The following PACS1 variants were observed in gnomAD, a reference collection of about 807,000 sequenced individuals.
PACS1 encodes PACS-1.
A neutral mutation model predicts 115.0 loss-of-function variants in PACS1; 24 were observed. That is an observed-to-expected ratio of 0.21 (90% CI 0.15 to 0.29). The LOEUF is 0.29. Ranked by LOEUF, PACS1 falls within the 10% of genes least tolerant of loss-of-function variation. The pLI is 1.00. For synonymous variants in PACS1, 453 were observed against 504.5 expected (o/e 0.90, Z 1.37); for missense variants, 838 against 1,251.2 (o/e 0.67, Z 4.98).
At chr11:66,216,410 C>G in intron 5 of PACS1, 110 bp from the exon 6 acceptor site, 1 of 1,405,724 alleles carries the variant, frequency 7.1e-7, no homozygotes, top group Non-Finnish European at 1.0e-6. Flanking sequence ...GCCCTCCCCT[C>G]CACCCTGGCT....
intron 1 of PACS1, among the ~76,000 whole-genome samples, chr11:66,098,898 C>T (rs1331689457): frequency 6.6e-6 from 1 of 152,230 alleles, no homozygotes; most frequent in Non-Finnish European, 1.5e-5. Flanking sequence ...AGTCTCAGCA[C>T]ATCACATCAA....
At position 66,216,685 on chromosome 11, in the gene PACS1, A is replaced by G; in HGVS notation, c.898-10A>G. 1.9e-6 allele frequency: 3 copies of G among 1,613,412 alleles called. No individual in the cohort carries two copies. Among genetic ancestry groups the G allele is most frequent in the South Asian group, 2.2e-5 (2 of 91,062 alleles). On this transcript the variant is annotated splice_polypyrimidine_tract_variant and intron_variant, in intron 6 of 23. Coordinates refer to ENST00000320580, the MANE Select transcript of PACS1 (RefSeq NM_018026.4). Reference sequence around the variant, plus strand: ...TTTCCCACCCTCATTCTGTCCCTGTACCCACTTAGGACTTGTTCTACGAAG... The same window carrying G: ...TTTCCCACCCTCATTCTGTCCCTGTGCCCACTTAGGACTTGTTCTACGAAG...
At chr11:66,204,734 TCTGGGAGTTAA>T (rs889659912) in intron 2 of PACS1, among the ~76,000 whole-genome samples, 15 of 152,144 alleles carry the variant, frequency 9.9e-5, no homozygotes, top group African/African-American at 3.4e-4. Context: ...CTCACTTACT[TCTGGGAGTTAA>T]AAATTAAAGT....
chr11:66,162,374 G>A (rs540495102), intron 1 of PACS1, among the ~76,000 whole-genome samples: 23 of 152,074 alleles, frequency 1.5e-4, no homozygotes, highest in South Asian at 8.3e-4. Context: ...TGCCCACCTC[G>A]GCCTCCCAAA....
chr11:66,234,368 C>A (rs778156510), intron 17 of PACS1, 126 bp downstream of exon 17: 4 of 714,562 alleles, frequency 5.6e-6, no homozygotes, highest in Non-Finnish European at 1.0e-5. Context: ...GTCACTCTGT[C>A]CATTCATTTT....
intron 1 of PACS1, among the ~76,000 whole-genome samples, chr11:66,121,901 C>G (rs1858452352): frequency 6.6e-6 from 1 of 152,146 alleles, no homozygotes; most frequent in Non-Finnish European, 1.5e-5. Flanking sequence ...AGCAAGTAAT[C>G]CAGAAGATAT....
At chr11:66,092,501 T>C (rs2134514692) in intron 1 of PACS1, among the ~76,000 whole-genome samples, 1 of 152,248 alleles carries the variant, frequency 6.6e-6, no homozygotes, top group South Asian at 2.1e-4. Context: ...TAGTTTCTTT[T>C]GCTGTGCAGA....
intron 1 of PACS1, among the ~76,000 whole-genome samples, chr11:66,159,326 A>G (rs914609825): frequency 6.6e-6 from 1 of 152,082 alleles, no homozygotes; most frequent in African/African-American, 2.4e-5. Flanking sequence ...AATCCCAGAT[A>G]CTCAGGAAGC....
At chr11:66,202,521 C>G (rs894847132) in intron 2 of PACS1, among the ~76,000 whole-genome samples, 1 of 151,678 alleles carries the variant, frequency 6.6e-6, no homozygotes, top group East Asian at 1.9e-4. Flanking sequence ...AAGGATGGTT[C>G]AGCATACACA....
intron 1 of PACS1, among the ~76,000 whole-genome samples, chr11:66,125,710 G>A (rs1858555537): frequency 1.3e-5 from 2 of 152,102 alleles, no homozygotes; most frequent in African/African-American, 4.8e-5. Flanking sequence ...GATAATTCAG[G>A]TATTCAAGTA....
intron 1 of PACS1, among the ~76,000 whole-genome samples, chr11:66,095,841 CTT>C (rs1166492902): frequency 6.6e-6 from 1 of 152,122 alleles, no homozygotes; most frequent in Non-Finnish European, 1.5e-5. Context: ...AGAAAACAAT[CTT>C]TAGGTATTAT....
intron 2 of PACS1, among the ~76,000 whole-genome samples, chr11:66,195,092 T>C (rs1481873338): frequency 6.6e-6 from 1 of 152,040 alleles, no homozygotes; most frequent in Non-Finnish European, 1.5e-5. Context: ...GGCGTGCATG[T>C]AGTTCCAGCT....
chr11:66,077,702 TG>T (rs1460196826), intron 1 of PACS1, among the ~76,000 whole-genome samples: 159 of 56,536 alleles, frequency 2.8e-3, no homozygotes, highest in East Asian at 0.027. Context: ...ATTGTAAGTT[TG>T]TTTTTTTTTT....
chr11:66,149,319 T>G (rs1310569232), intron 1 of PACS1, among the ~76,000 whole-genome samples: 1 of 151,990 alleles, frequency 6.6e-6, no homozygotes, highest in Non-Finnish European at 1.5e-5. Context: ...CTCGAACCCC[T>G]GACCTCAGGT....
In PACS1 at chr11:66,230,663, G is replaced by T. The variant is rs1363422319; in HGVS notation, c.1490G>T (p.Ser497Ile). ...KTDLQGSASP[S>I]KVEGVHTPRQ... ...GATCTCCAGGGCTCTGCCTCCCCCA[G>T]GTACTGCAGATGGAAAGGAAGCAGG... Residue 497 changes from serine to isoleucine, a missense_variant and splice_region_variant, in exon 12 of 24, where the codon AGC (serine) becomes ATC (isoleucine). By Grantham distance (142) the Ser-to-Ile change is moderately radical (BLOSUM62 -2). This residue lies in a region of PACS1 where 383 missense variants were observed against 537.0 expected (regional missense o/e 0.71). Coordinates refer to ENST00000320580, the MANE Select transcript of PACS1 (RefSeq NM_018026.4). The T allele has an allele frequency of 6.2e-7, 1 of 1,613,060 alleles. No homozygotes were observed.
intron 13 of PACS1, chr11:66,231,964 T>C: frequency 1.9e-6 from 1 of 517,642 alleles, no homozygotes; most frequent in Non-Finnish European, 3.5e-6. Context: ...CATCTCCATG[T>C]GTCCTCTAAG....
intron 1 of PACS1, among the ~76,000 whole-genome samples, chr11:66,123,472 G>A (rs773684239): frequency 1.1e-4 from 17 of 152,134 alleles, no homozygotes; most frequent in African/African-American, 2.9e-4. Flanking sequence ...GATTATAGGC[G>A]TGAGCCACCA....
intron 1 of PACS1, among the ~76,000 whole-genome samples, chr11:66,111,123 G>A (rs1404262006): frequency 6.6e-6 from 1 of 152,170 alleles, no homozygotes; most frequent in East Asian, 1.9e-4. Flanking sequence ...TGTGTGGTAT[G>A]GCCTGTTGCT....
chr11:66,137,033 C>CA (rs1554981034), intron 1 of PACS1, among the ~76,000 whole-genome samples: 3 of 146,198 alleles, frequency 2.1e-5, no homozygotes, highest in South Asian at 2.2e-4. Context: ...CCCCCCCCCC[C>CA]ACCATTTCGT....
Sources: gnomAD v4.1 joint callset for allele counts (sites outside exome capture counted in the v4.1 genomes callset) on GRCh38, gnomAD v4.1.1 for gene constraint, gnomAD v4.1.1 regional missense constraint, MANE v1.5 for transcripts, NCBI Gene and HGNC (gene_info 2026-07-23, HGNC 2026-07-21) for gene names.